Variants in DAB1 observed in about 807,000 individuals in gnomAD.
DAB1 encodes disabled homolog 1.
In DAB1, 15 loss-of-function variants were observed where a neutral mutation model predicts 64.6. The observed-to-expected ratio is 0.23, with a 90% CI of 0.16 to 0.36. The LOEUF (loss-of-function observed/expected upper bound fraction) is 0.36, where lower values mean the gene tolerates loss of function less well. Ranked by LOEUF, DAB1 falls within the 10% of genes least tolerant of loss-of-function variation. The pLI, the probability that DAB1 is intolerant of heterozygous loss-of-function variation, is 1.00. For synonymous variants in DAB1, 235 were observed against 251.9 expected, an observed-to-expected ratio of 0.93 and a Z score of 0.64; for missense variants, 596 against 706.7, an observed-to-expected ratio of 0.84 and a Z score of 1.78.
At chr1:57,263,963 A>G (rs1161393975) in intron 2 of DAB1, among the ~76,000 whole-genome samples, 6 of 152,118 alleles carry the variant, frequency 3.9e-5, no homozygotes, top group Admixed American at 3.9e-4. Flanking sequence ...TGTAAATATC[A>G]GGACTGTGGG....
At chr1:57,937,775 T>G (rs1383102792) in intron 5 of DAB1, among the ~76,000 whole-genome samples, 2 of 152,220 alleles carry the variant, frequency 1.3e-5, no homozygotes, top group Non-Finnish European at 2.9e-5. Context: ...TTCTTGCTCC[T>G]CACTGGCCCT....
At chr1:58,116,381 G>A (rs1652336371) in intron 5 of DAB1, among the ~76,000 whole-genome samples, 1 of 152,222 alleles carries the variant, frequency 6.6e-6, no homozygotes, top group South Asian at 2.1e-4. Context: ...TAAATTGGGA[G>A]TTTATGATTT....
intron 2 of DAB1, among the ~76,000 whole-genome samples, chr1:57,210,420 C>G (rs17115369): frequency 1.3e-5 from 2 of 152,078 alleles, no homozygotes; most frequent in African/African-American, 4.8e-5. Flanking sequence ...ACATTTCAGC[C>G]TGTGTCCTGG....
intron 1 of DAB1, among the ~76,000 whole-genome samples, chr1:57,830,584 GAAAA>G (rs749641794): frequency 6.6e-6 from 1 of 151,882 alleles, no homozygotes; most frequent in Non-Finnish European, 1.5e-5. Flanking sequence ...CCTTACACAT[GAAAA>G]ATATATATAT....
intron 5 of DAB1, among the ~76,000 whole-genome samples, chr1:58,079,785 C>T (rs1649883081): frequency 6.6e-6 from 1 of 151,966 alleles, no homozygotes; most frequent in Non-Finnish European, 1.5e-5. Context: ...TCCCAAAGTG[C>T]TGGGATTACA....
intron 7 of DAB1, among the ~76,000 whole-genome samples, chr1:57,603,605 G>A (rs980959451): frequency 6.6e-6 from 1 of 152,200 alleles, no homozygotes; most frequent in Non-Finnish European, 1.5e-5. Flanking sequence ...TGATCCTGCA[G>A]TCCTTTAATT....
At position 58,056,341 on chromosome 1, in the gene DAB1, G is replaced by A. The variant is rs1213700552; in HGVS notation, n.387+94170C>T. 5.1e-6 allele frequency: 8 copies of A among 1,579,444 alleles called. No homozygotes were observed. The East Asian group carries it at 1.6e-4, about 31-fold the overall frequency. Reference sequence around the variant, plus strand: ...TTCAGAAATGTCCCTGACTGCTGCGGCCTTCACTATGTTTCGAATGACGAA... The same window carrying A: ...TTCAGAAATGTCCCTGACTGCTGCGACCTTCACTATGTTTCGAATGACGAA... On this transcript the variant is annotated intron_variant and non_coding_transcript_variant, in intron 5 of 20. Transcript: ENST00000485760.
At chr1:57,622,848 C>A (rs1645877034) in intron 7 of DAB1, among the ~76,000 whole-genome samples, 2 of 152,120 alleles carry the variant, frequency 1.3e-5, no homozygotes, top group African/African-American at 4.8e-5. Context: ...CATTTGTCTC[C>A]CCTTCCTGGT....
At chr1:57,130,806 ATCTTTC>A (rs1214459289) in intron 4 of DAB1, among the ~76,000 whole-genome samples, 3 of 152,198 alleles carry the variant, frequency 2.0e-5, no homozygotes, top group Non-Finnish European at 4.4e-5. Flanking sequence ...AAATAATTTC[ATCTTTC>A]TCTTAGTCTA....
chr1:57,950,643 T>C (rs566013915), intron 5 of DAB1, among the ~76,000 whole-genome samples: 8 of 152,340 alleles, frequency 5.3e-5, no homozygotes, highest in African/African-American at 1.9e-4. Flanking sequence ...ATACTGTGTT[T>C]CATGCCTCCT....
chr1:58,034,939 G>A (rs149423859), intron 5 of DAB1, among the ~76,000 whole-genome samples: 41 of 152,322 alleles, frequency 2.7e-4, no homozygotes, highest in Admixed American at 2.6e-3. Flanking sequence ...TCAAGTGGGA[G>A]AGTCTACGTC....
At chr1:58,270,295 G>T (rs1485820213) in intron 4 of DAB1, among the ~76,000 whole-genome samples, 1 of 147,230 alleles carries the variant, frequency 6.8e-6, no homozygotes, top group African/African-American at 2.6e-5. Flanking sequence ...TTTCCCCATT[G>T]CTTGTTTTTC....
At chr1:58,287,804 T>C (rs891732418) in intron 4 of DAB1, among the ~76,000 whole-genome samples, 9 of 151,880 alleles carry the variant, frequency 5.9e-5, no homozygotes, top group Admixed American at 2.6e-4. Context: ...GGCAGATCAT[T>C]TGAGGTCAGG....
intron 6 of DAB1, among the ~76,000 whole-genome samples, chr1:57,681,957 C>T (rs1462465831): frequency 6.6e-6 from 1 of 152,122 alleles, no homozygotes; most frequent in Admixed American, 6.6e-5. Flanking sequence ...GCTTGGTTGT[C>T]TCAGCAACAC....
chr1:58,047,498 G>C (rs1647315310), intron 5 of DAB1, among the ~76,000 whole-genome samples: 3 of 152,158 alleles, frequency 2.0e-5, no homozygotes, highest in Non-Finnish European at 1.5e-5. Flanking sequence ...TGGGTGCAAT[G>C]AAGCCACCAG....
chr1:57,389,564 C>A (rs566218308), intron 1 of DAB1, among the ~76,000 whole-genome samples: 36 of 152,132 alleles, frequency 2.4e-4, no homozygotes, highest in Non-Finnish European at 5.0e-4. Flanking sequence ...CTCCTATTGG[C>A]CTTTATCCTA....
At chr1:57,140,616 G>A (rs1443679244) in intron 3 of DAB1, among the ~76,000 whole-genome samples, 1 of 152,164 alleles carries the variant, frequency 6.6e-6, no homozygotes, top group Non-Finnish European at 1.5e-5. Context: ...ACCCCAAAAT[G>A]AGAATAATAT....
intron 5 of DAB1, among the ~76,000 whole-genome samples, chr1:58,132,157 G>A (rs1653639758): frequency 1.3e-5 from 2 of 152,188 alleles, no homozygotes; most frequent in South Asian, 2.1e-4. Flanking sequence ...AGATAATCTC[G>A]TGGTGCGCCG....
At chr1:57,670,329 C>T (rs1338705262) in intron 6 of DAB1, among the ~76,000 whole-genome samples, 4 of 152,052 alleles carry the variant, frequency 2.6e-5, no homozygotes, top group African/African-American at 9.7e-5. Flanking sequence ...GATGGAGAAG[C>T]AATAAGGCAC....
Sources: allele counts gnomAD v4.1 joint callset (sites outside exome capture counted in the v4.1 genomes callset), GRCh38; gene constraint gnomAD v4.1.1; transcripts MANE v1.5; gene names NCBI Gene and HGNC (gene_info 2026-07-23, HGNC 2026-07-21).